BANK1: variants seen among roughly 807,000 people sequenced by gnomAD.
BANK1 encodes the protein B cell scaffold protein with ankyrin repeats 1.
Under a neutral mutation model 94.5 loss-of-function variants are expected in BANK1, and 95 were observed. The ratio of observed to expected loss-of-function variants is 1.00; its 90% CI spans 0.85 to 1.19. BANK1 has a LOEUF of 1.19. Ranked by LOEUF, BANK1 falls within the 50% of genes most tolerant of loss-of-function variation. The pLI, the probability that BANK1 is intolerant of heterozygous loss-of-function variation, is 0.00. For missense variants in BANK1, 987 were observed against 932.2 expected, an observed-to-expected ratio of 1.06 and a Z score of -0.77; for synonymous variants, 334 against 308.4, an observed-to-expected ratio of 1.08 and a Z score of -0.87.
intron 2 of BANK1, among the ~76,000 whole-genome samples, chr4:101,832,978 G>GT (rs1158084019): frequency 2.0e-5 from 3 of 148,678 alleles, no homozygotes; most frequent in Non-Finnish European, 4.5e-5. Flanking sequence ...GCTTGTTCAG[G>GT]TTTCTTTCTT....
chr4:101,790,936 GCCCAGCGC>G lies in BANK1; in HGVS notation c.60_67del (p.Ala21ArgfsTer11), dbSNP rs755789312. On this transcript the variant is annotated frameshift_variant, in exon 1 of 17. Transcript: ENST00000322953. LOFTEE classifies it high-confidence loss of function. ...GGGAGCCCGGACCCCGCCCCCTGCG[GCCCAGCGC>G]CCCCAGGTGGGTAGTCGCGCATTCG... 5.2e-6 allele frequency: 8 copies of G among 1,525,866 alleles called. No individual in the cohort carries two copies. The highest frequency in any genetic ancestry group is 6.1e-6 in the Non-Finnish European group (7 of 1,142,170). 94.5% of individuals were successfully genotyped at this position (1,525,866 alleles called of 1,614,324 possible).
intron 5 of BANK1, among the ~76,000 whole-genome samples, chr4:101,890,700 TTC>T (rs1420178098): frequency 4.0e-5 from 6 of 150,278 alleles, no homozygotes; most frequent in South Asian, 2.1e-4. Context: ...GTTTTTAATT[TTC>T]TCTGTTTTCA....
chr4:101,907,264 A>C (rs1722487283), intron 6 of BANK1, among the ~76,000 whole-genome samples: 1 of 152,262 alleles, frequency 6.6e-6, no homozygotes, highest in Non-Finnish European at 1.5e-5. Flanking sequence ...GCAAGTCAAT[A>C]AATGTAATCC....
intron 7 of BANK1, among the ~76,000 whole-genome samples, chr4:101,950,516 A>G (rs1420309576): frequency 6.6e-6 from 1 of 152,188 alleles, no homozygotes; most frequent in Non-Finnish European, 1.5e-5. Context: ...CTCAGGAAGG[A>G]GACCATTGTC....
Position 101,829,877 on chromosome 4 carries a change from T to A in BANK1, c.140T>A (p.Val47Glu), listed in dbSNP as rs142893664. 1 of 1,611,934 alleles carries A rather than the reference T, an allele frequency of 6.2e-7. No individual in the cohort carries two copies. The highest frequency in any genetic ancestry group is 1.7e-4 in the Middle Eastern group (1 of 6,050). The change falls in exon 2 of 17, where the codon GTA (valine) becomes GAA (glutamate). Residue 47 changes from valine to glutamate, a missense_variant. Physicochemically the swap from Val to Glu is moderately radical, Grantham distance 121 (BLOSUM62 -2). Transcript: ENST00000322953. Reference protein sequence around the residue: ...AEEWALYLTEVFLHVVKREAI... With the variant: ...AEEWALYLTEEFLHVVKREAI... ...GAATGGGCTCTGTACTTGACAGAAG[T>A]ATTTTTACATGTTGTGAAAAGGGAA...
intron 5 of BANK1, among the ~76,000 whole-genome samples, chr4:101,885,939 C>T (rs1404417487): frequency 6.6e-6 from 1 of 151,996 alleles, no homozygotes; most frequent in Non-Finnish European, 1.5e-5. Flanking sequence ...AACTATAACA[C>T]AATAGGAAGT....
At chr4:101,808,313 A>C (rs1313202306) in intron 1 of BANK1, among the ~76,000 whole-genome samples, 2 of 152,150 alleles carry the variant, frequency 1.3e-5, no homozygotes, top group African/African-American at 4.8e-5. Context: ...ATGTAATATA[A>C]AATATTGATA....
intron 7 of BANK1, among the ~76,000 whole-genome samples, chr4:101,951,017 A>C (rs537412480): frequency 1.3e-5 from 2 of 152,144 alleles, no homozygotes; most frequent in Non-Finnish European, 2.9e-5. Flanking sequence ...ATGACAACCA[A>C]ATGTAATGTA....
At position 101,823,432 on chromosome 4, in the gene BANK1, T is replaced by C. The variant is rs78229169; in HGVS notation, c.71-6376T>C. On this transcript the variant is annotated intron_variant, in intron 1 of 16. Transcript: ENST00000322953. ...TGAGTATGGCCTTCCTGCTCTCAGA[T>C]GTAGACAGTCTTACTGGTAAGATCT... is the stretch of plus-strand genomic sequence containing the variant. 9.8e-3 allele frequency among the ~76,000 whole-genome samples: 1,499 copies of C among 152,304 alleles called. 52 individuals carry two copies. The East Asian group carries it at 0.11, about 11-fold the overall frequency.
chr4:102,053,123 A>C (rs931532834), intron 11 of BANK1, among the ~76,000 whole-genome samples: 2 of 152,214 alleles, frequency 1.3e-5, no homozygotes, highest in African/African-American at 4.8e-5. Context: ...ACATGGAAAG[A>C]CCGAAAACAG....
chr4:101,847,736 T>TACACACACACACAC (rs35196238), intron 2 of BANK1, among the ~76,000 whole-genome samples: 190 of 145,878 alleles, frequency 1.3e-3, no homozygotes, highest in African/African-American at 4.4e-3. Flanking sequence ...TATTCCATCA[T>TACACACACACACAC]ACACACACAC....
chr4:102,004,042 G>A (rs1726166910), intron 7 of BANK1, among the ~76,000 whole-genome samples: 1 of 151,532 alleles, frequency 6.6e-6, no homozygotes, highest in Admixed American at 6.6e-5. Flanking sequence ...ACCCCAGTCT[G>A]GCACTGCCTA....
intron 7 of BANK1, among the ~76,000 whole-genome samples, chr4:102,007,170 A>ATATATATATATATATATATATAT (rs1560682419): frequency 1.5e-4 from 17 of 113,104 alleles, no homozygotes; most frequent in Non-Finnish European, 2.8e-4. Context: ...ATATATATAT[A>ATATATATATATATATATATATAT]AAATCCCTAA....
At chr4:101,818,977 T>C (rs529823513) in intron 1 of BANK1, among the ~76,000 whole-genome samples, 4 of 152,048 alleles carry the variant, frequency 2.6e-5, no homozygotes, top group South Asian at 2.1e-4. Flanking sequence ...CTGGTAGGAT[T>C]CTGACATTTG....
chr4:101,964,780 T>G (rs1296154811), intron 7 of BANK1, among the ~76,000 whole-genome samples: 2 of 151,996 alleles, frequency 1.3e-5, no homozygotes, highest in Non-Finnish European at 2.9e-5. Flanking sequence ...TTATTATTAT[T>G]ATACTCTAAG....
Position 101,924,988 on chromosome 4 carries a change from G to C in BANK1, c.1206+6799G>C, listed in dbSNP as rs1019746415. On this transcript the variant is annotated intron_variant, in intron 7 of 16. Coordinates refer to ENST00000322953, the MANE Select transcript of BANK1 (RefSeq NM_017935.5). ...TTAGTATTTTAAAAAATAACTTATT[G>C]TTAAAAATTTTTCTGAGAATAATGA... is the stretch of plus-strand genomic sequence containing the variant. 4.6e-5 allele frequency among the ~76,000 whole-genome samples: 7 copies of C among 151,286 alleles called. No homozygotes were observed. The East Asian group carries it at 1.4e-3, about 30-fold the overall frequency.
At chr4:101,791,671 G>A (rs1292494001) in intron 1 of BANK1, among the ~76,000 whole-genome samples, 1 of 152,188 alleles carries the variant, frequency 6.6e-6, no homozygotes. Flanking sequence ...TTACTGGAGT[G>A]TTCGTGGTGA....
intron 13 of BANK1, among the ~76,000 whole-genome samples, chr4:102,063,869 TAA>T (rs533448365): frequency 4.6e-4 from 69 of 150,208 alleles, no homozygotes; most frequent in African/African-American, 1.6e-3. Flanking sequence ...TGCTTTTTAA[TAA>T]GTTAAAATAT....
intron 7 of BANK1, among the ~76,000 whole-genome samples, chr4:102,017,927 T>C (rs1726766201): frequency 2.0e-5 from 3 of 152,196 alleles, no homozygotes; most frequent in African/African-American, 7.2e-5. Flanking sequence ...CTCTCAACTG[T>C]GGATGGAGTT....
Sources: gnomAD v4.1 joint callset for allele counts (sites outside exome capture counted in the v4.1 genomes callset) on GRCh38, gnomAD v4.1.1 for gene constraint, MANE v1.5 for transcripts, NCBI Gene and HGNC (gene_info 2026-07-23, HGNC 2026-07-21) for gene names.